KRTDAP: variants seen among roughly 807,000 people sequenced by gnomAD.
KRTDAP encodes the protein keratinocyte differentiation associated protein, also known as keratinocyte differentiation-associated protein.
KRTDAP carries 14 observed loss-of-function variants against 18.6 expected under a neutral mutation model. That is an observed-to-expected ratio of 0.75 (90% confidence interval 0.50 to 1.18). The LOEUF (loss-of-function observed/expected upper bound fraction) is 1.18, where lower values mean the gene tolerates loss of function less well. Ranked by LOEUF, KRTDAP falls within the 50% of genes most tolerant of loss-of-function variation. KRTDAP has a pLI of 0.00. For synonymous variants in KRTDAP, 53 were observed against 49.5 expected, an observed-to-expected ratio of 1.07 and a Z score of -0.29; for missense variants, 114 against 121.3, an observed-to-expected ratio of 0.94 and a Z score of 0.28.
intron 4 of KRTDAP, among the ~76,000 whole-genome samples, chr19:35,488,136 C>A (rs2067502082): frequency 6.6e-6 from 1 of 152,186 alleles, no homozygotes; most frequent in Non-Finnish European, 1.5e-5. Context: ...TGCGGGTGGG[C>A]CTCAGTTTTT....
In KRTDAP at chr19:35,487,648, C is replaced by T. The variant is rs1258481588; in HGVS notation, c.261+64G>A. 8 of 1,396,618 alleles carry T rather than the reference C, an allele frequency of 5.7e-6. No homozygotes were observed. In the African/African-American group the frequency reaches 1.1e-4, roughly 20 times the overall value. 86.5% of individuals were successfully genotyped at this position (1,396,618 alleles called of 1,614,324 possible). Reference sequence around the variant, plus strand: ...CCTTTCCCTGTCCCCACTCTCTCTCCCATATCTTCTGCTTCTTCCCTTACC... The same window carrying T: ...CCTTTCCCTGTCCCCACTCTCTCTCTCATATCTTCTGCTTCTTCCCTTACC... On this transcript the variant is annotated intron_variant, in intron 5 of 5. Transcript: ENST00000338897.
At chr19:35,487,821 G>A in intron 4 of KRTDAP, 62 bp from the exon 5 acceptor site, 1 of 1,050,750 alleles carries the variant, frequency 9.5e-7, no homozygotes. Flanking sequence ...GGATGGGTAA[G>A]CATTCCCTTA....
At position 35,488,783 on chromosome 19, in the gene KRTDAP, G is replaced by A; in HGVS notation, c.126+19C>T. The A allele has an allele frequency of 6.2e-7, 1 of 1,614,178 alleles. No individual in the cohort carries two copies. The highest frequency in any genetic ancestry group is 8.5e-7 in the Non-Finnish European group (1 of 1,180,010). On this transcript the variant is annotated intron_variant, in intron 2 of 5. Coordinates refer to ENST00000338897, the MANE Select transcript of KRTDAP (RefSeq NM_207392.3). ...GGACAGACTCGTGGCTGGAGGGCCG[G>A]GGAAAACAGACGGCTTACCTCGGGT... is the stretch of plus-strand genomic sequence containing the variant.
chr19:35,487,861 T>C, intron 4 of KRTDAP, 102 bp from the exon 5 acceptor site: 1 of 752,110 alleles, frequency 1.3e-6, no homozygotes, highest in Non-Finnish European at 2.4e-6. Flanking sequence ...ATAGTAACAA[T>C]AATGTCATTA....
chr19:35,490,174 T>C (rs2067514470), intron 1 of KRTDAP, among the ~76,000 whole-genome samples, 182 bp downstream of exon 1: 1 of 152,178 alleles, frequency 6.6e-6, no homozygotes, highest in South Asian at 2.1e-4. Flanking sequence ...GGAGCATCTC[T>C]GTCCCAAATG....
chr19:35,487,796 A>C, intron 4 of KRTDAP, 37 bp from the exon 5 acceptor site: 1 of 1,502,062 alleles, frequency 6.7e-7, no homozygotes. Flanking sequence ...GATGTGTTGC[A>C]GGTCAGCCGG....
chr19:35,488,563 G>A, intron 3 of KRTDAP, 78 bp from the exon 4 acceptor site: 3 of 1,606,984 alleles, frequency 1.9e-6, no homozygotes, highest in Non-Finnish European at 2.6e-6. Context: ...TCTGGAGAAG[G>A]TGAAGGAACC....
chr19:35,487,659 G>T, intron 5 of KRTDAP, 53 bp downstream of exon 5: 2 of 1,466,102 alleles, frequency 1.4e-6, no homozygotes, highest in Non-Finnish European at 1.9e-6. Flanking sequence ...CATATCTTCT[G>T]CTTCTTCCCT....
chr19:35,489,605 G>GGCCCTGACA (rs2067511282), intron 1 of KRTDAP, among the ~76,000 whole-genome samples: 1 of 152,114 alleles, frequency 6.6e-6, no homozygotes, highest in East Asian at 1.9e-4. Context: ...TTTCACCTCA[G>GGCCCTGACA]GCCCTGACAG....
At chr19:35,487,788 T>C in intron 4 of KRTDAP, 29 bp from the exon 5 acceptor site, 4 of 1,570,412 alleles carry the variant, frequency 2.5e-6, no homozygotes, top group South Asian at 2.2e-5. Flanking sequence ...AAGAGAGTGA[T>C]GTGTTGCAGG....
chr19:35,487,538 G>T, intron 5 of KRTDAP, 72 bp from the exon 6 acceptor site: 2 of 1,405,034 alleles, frequency 1.4e-6, no homozygotes, highest in Non-Finnish European at 1.0e-6. Context: ...GGATGGAAAG[G>T]AATTTCTGCC....
intron 1 of KRTDAP, 39 bp from the exon 2 acceptor site, chr19:35,488,879 G>C: frequency 6.2e-7 from 1 of 1,600,462 alleles, no homozygotes; most frequent in Non-Finnish European, 8.5e-7. Context: ...AGGGGGTCAC[G>C]TGATGCCAGG....
chr19:35,490,355 C>T lies in KRTDAP; in HGVS notation c.87+1G>A. ...AATAAAAATGCAGGTGACGTGCTCA[C>T]CTCAGGACCACCCAGGGTGGCTCCC... On this transcript the variant is annotated splice_donor_variant, in intron 1 of 5. Transcript: ENST00000338897. LOFTEE classifies it high-confidence loss of function. 3 of 1,605,686 alleles carry T rather than the reference C, an allele frequency of 1.9e-6. No individual in the cohort carries two copies. Among genetic ancestry groups the T allele is most frequent in the Non-Finnish European group, 2.6e-6 (3 of 1,174,778 alleles).
Position 35,488,449 on chromosome 19 carries a change from G to C in KRTDAP, c.205C>G (p.Leu69Val). 1 of 1,612,918 alleles carries C rather than the reference G, an allele frequency of 6.2e-7. No homozygotes were observed. The highest frequency in any genetic ancestry group is 8.5e-7 in the Non-Finnish European group (1 of 1,179,636). Residue 69 changes from leucine (L) to valine (V), a missense_variant, in exon 4 of 6, where the codon CTC (leucine) becomes GTC (valine). Coordinates refer to ENST00000338897, the MANE Select transcript of KRTDAP (RefSeq NM_207392.3). Reference sequence around the variant, plus strand: ...GGCGCCGGAGCACTCACCTCAAAGAGGGCGTGCCAGTTCAGGAACTCATCA... The same window carrying C: ...GGCGCCGGAGCACTCACCTCAAAGACGGCGTGCCAGTTCAGGAACTCATCA... The part of the protein sequence containing the change: ...KADEFLNWHA[L>V]FESIKRKLPF...
intron 1 of KRTDAP, among the ~76,000 whole-genome samples, chr19:35,490,010 C>T (rs1599756183): frequency 6.6e-6 from 1 of 152,124 alleles, no homozygotes; most frequent in African/African-American, 2.4e-5. Flanking sequence ...CCCTCTTCCC[C>T]TGCACGTCCC....
At chr19:35,488,739 A>G (rs1204561877) in intron 2 of KRTDAP, 36 bp from the exon 3 acceptor site, 1 of 1,614,060 alleles carries the variant, frequency 6.2e-7, no homozygotes, top group Non-Finnish European at 8.5e-7. Flanking sequence ...AAAGTTGCTA[A>G]GAAGCAAAAA....
chr19:35,488,973 G>T, intron 1 of KRTDAP, 133 bp from the exon 2 acceptor site: 1 of 768,044 alleles, frequency 1.3e-6, no homozygotes, highest in Non-Finnish European at 2.2e-6. Context: ...CCCCACCATG[G>T]TCTCCGTTCC....
At chr19:35,490,322 C>T (rs376848562) in intron 1 of KRTDAP, 34 bp downstream of exon 1, 17 of 1,399,640 alleles carry the variant, frequency 1.2e-5, no homozygotes, top group African/African-American at 1.1e-4. Flanking sequence ...GTGGGTAACA[C>T]GTATAAGAAT....
intron 3 of KRTDAP, 59 bp from the exon 4 acceptor site, chr19:35,488,544 C>T (rs1465314667): frequency 4.4e-6 from 7 of 1,606,178 alleles, no homozygotes; most frequent in Non-Finnish European, 6.0e-6. Context: ...AGAGCTTAGC[C>T]CCCAGCCCTC....
Sources: allele counts gnomAD v4.1 joint callset (sites outside exome capture counted in the v4.1 genomes callset), GRCh38; gene constraint gnomAD v4.1.1; transcripts MANE v1.5; gene names NCBI Gene and HGNC (gene_info 2026-07-23, HGNC 2026-07-21).